The following LRBA variants were observed in gnomAD, a reference collection of about 807,000 sequenced individuals.
LRBA encodes the protein lipopolysaccharide-responsive and beige-like anchor protein.
In LRBA, 176 loss-of-function variants were observed where a neutral mutation model predicts 330.0. That is an observed-to-expected ratio of 0.53 (90% CI 0.47 to 0.60). LRBA has a LOEUF of 0.60. Among genes scored for constraint, LRBA ranks in the 20% least tolerant of loss-of-function variants. The pLI is 0.00. For synonymous variants in LRBA, 1,230 were observed against 1,193.0 expected, an observed-to-expected ratio of 1.03 and a Z score of -0.64; for missense variants, 3,259 against 3,444.8, an observed-to-expected ratio of 0.95 and a Z score of 1.35.
rs559492440 is a variant in LRBA, at chr4:150,920,583, G to C, written c.645+615C>G. On this transcript the variant is annotated intron_variant, in intron 5 of 56. Transcript: ENST00000651943. ...AAAAAAGTTTGTTTTGCTTGTAACA[G>C]ACTGACCAATGTAATAATGAGGAGA... is the stretch of plus-strand genomic sequence containing the variant. Among the ~76,000 whole-genome samples, 17 of 152,164 alleles carry C rather than the reference G, an allele frequency of 1.1e-4. 1 individual carries two copies. In the East Asian group the frequency reaches 3.3e-3, roughly 29 times the overall value.
chr4:150,296,156 C>T (rs1369613965), intron 53 of LRBA, among the ~76,000 whole-genome samples: 3 of 152,160 alleles, frequency 2.0e-5, no homozygotes. Flanking sequence ...CTTTATAATA[C>T]ATCCTCCTTA....
At chr4:150,836,230 G>T (rs545291544) in intron 28 of LRBA, among the ~76,000 whole-genome samples, 1 of 152,072 alleles carries the variant, frequency 6.6e-6, no homozygotes, top group Non-Finnish European at 1.5e-5. Context: ...TTTTTGCATC[G>T]ATGTTCATCA....
chr4:150,376,076 G>GAA (rs1741273939), intron 47 of LRBA, among the ~76,000 whole-genome samples: 1 of 152,154 alleles, frequency 6.6e-6, no homozygotes, highest in Non-Finnish European at 1.5e-5. Flanking sequence ...TAGAGAGAGA[G>GAA]AAGGGCTGCA....
At chr4:150,578,474 G>A (rs993462266) in intron 40 of LRBA, among the ~76,000 whole-genome samples, 1 of 151,576 alleles carries the variant, frequency 6.6e-6, no homozygotes, top group South Asian at 2.1e-4. Context: ...TAAAGGTTTC[G>A]GTGAAATAGG....
intron 2 of LRBA, among the ~76,000 whole-genome samples, chr4:150,963,648 C>A (rs993345977): frequency 2.0e-5 from 3 of 148,848 alleles, no homozygotes; most frequent in African/African-American, 7.8e-5. Context: ...GGCCGCCCAT[C>A]GTCTGGGATG....
In LRBA at chr4:151,014,460, G is replaced by A; in HGVS notation, c.183C>T (p.Ser61=). The A allele has an allele frequency of 1.2e-6, 2 of 1,614,076 alleles. No individual in the cohort carries two copies. The highest frequency in any genetic ancestry group is 1.7e-4 in the Middle Eastern group (1 of 6,060). Residue 61 remains serine, a synonymous_variant, in exon 2 of 57, where the codon TCC becomes TCT. Coordinates refer to ENST00000651943, the MANE Select transcript of LRBA (RefSeq NM_001364905.1). The stretch of plus-strand genomic sequence containing the variant: ...AGACAGTTTCTACAATATCCCTATT[G>A]GATACTTCTCCAACTTCAACCAAAC... ...LTGLVEVGEV[S]NRDIVETVFN... is the part of the protein sequence containing the mutation.
In LRBA at chr4:150,735,268, G is replaced by C. The variant is rs201500267; in HGVS notation, c.5744C>G (p.Ala1915Gly). The change falls in exon 36 of 57, where the codon GCG (alanine) becomes GGG (glycine). Residue 1915 changes from alanine (A) to glycine (G), a missense_variant. By Grantham distance (60) the Ala-to-Gly change is moderately conservative. Coordinates refer to ENST00000651943, the MANE Select transcript of LRBA (RefSeq NM_001364905.1). ...RQRAEDIHRH[A>G]EFESLCAQYS... ...ATATGTGTAACCTACCTCAAATTCC[G>C]CATGTCTGTGAATATCTTCTGCTCT... 1 of 1,611,762 alleles carries C rather than the reference G, an allele frequency of 6.2e-7. No homozygotes were observed. Among genetic ancestry groups the C allele is most frequent in the African/African-American group, 1.3e-5 (1 of 74,806 alleles).
intron 22 of LRBA, among the ~76,000 whole-genome samples, chr4:150,866,775 T>C (rs548317506): frequency 2.2e-4 from 33 of 152,196 alleles, no homozygotes; most frequent in African/African-American, 7.7e-4. Context: ...TGAACAAAAC[T>C]ATATGGGTCA....
intron 37 of LRBA, among the ~76,000 whole-genome samples, chr4:150,633,857 G>A (rs1045523808): frequency 6.6e-6 from 1 of 152,180 alleles, no homozygotes; most frequent in Non-Finnish European, 1.5e-5. Context: ...GCTCACACCT[G>A]TAATCCCAGC....
chr4:150,731,138 A>G (rs1182573007), intron 36 of LRBA, among the ~76,000 whole-genome samples: 2 of 152,244 alleles, frequency 1.3e-5, no homozygotes, highest in Non-Finnish European at 2.9e-5. Flanking sequence ...AAGTCAGGTA[A>G]TAACAAACGC....
intron 17 of LRBA, among the ~76,000 whole-genome samples, chr4:150,890,349 ATC>A (rs1729335763): frequency 6.6e-6 from 1 of 152,228 alleles, no homozygotes; most frequent in African/African-American, 2.4e-5. Context: ...CTAATCTAGG[ATC>A]AGAATTCTCA....
intron 4 of LRBA, among the ~76,000 whole-genome samples, chr4:150,925,876 C>A (rs72963617): frequency 0.031 from 4,643 of 152,206 alleles, 188 homozygotes; most frequent in African/African-American, 0.1. Flanking sequence ...CCTGGACTTA[C>A]CAACCTACCA....
intron 36 of LRBA, among the ~76,000 whole-genome samples, chr4:150,725,877 G>A (rs1431914731): frequency 6.6e-6 from 1 of 152,146 alleles, no homozygotes; most frequent in South Asian, 2.1e-4. Context: ...GTTCCTTTTT[G>A]TGTGTTTGTT....
At chr4:150,970,490 AC>A (rs1247208364) in intron 2 of LRBA, among the ~76,000 whole-genome samples, 1 of 149,926 alleles carries the variant, frequency 6.7e-6, no homozygotes, top group East Asian at 2.0e-4. Flanking sequence ...GCAAAGCAAG[AC>A]CCTGTCTCAA....
intron 40 of LRBA, among the ~76,000 whole-genome samples, chr4:150,538,563 A>G (rs1022181042): frequency 2.0e-5 from 3 of 152,186 alleles, no homozygotes; most frequent in African/African-American, 7.2e-5. Context: ...ACATGTTCTC[A>G]TTCATAAATG....
At chr4:150,949,773 G>A (rs1258327157) in intron 2 of LRBA, among the ~76,000 whole-genome samples, 7 of 149,696 alleles carry the variant, frequency 4.7e-5, no homozygotes, top group Non-Finnish European at 1.0e-4. Context: ...AAACTCGTAA[G>A]TTCAAATTCT....
intron 37 of LRBA, among the ~76,000 whole-genome samples, chr4:150,603,488 G>T (rs963991332): frequency 6.6e-6 from 1 of 151,872 alleles, no homozygotes; most frequent in Non-Finnish European, 1.5e-5. Context: ...GCTTTTTTGT[G>T]GTTGTTGTTG....
At chr4:150,270,365 T>C (rs1745908471) in intron 56 of LRBA, among the ~76,000 whole-genome samples, 2 of 152,224 alleles carry the variant, frequency 1.3e-5, no homozygotes. Context: ...AATATTCATA[T>C]AATATTCTGA....
At position 150,489,497 on chromosome 4, in the gene LRBA, T is replaced by A. The variant is rs1190378160; in HGVS notation, c.6448+1421A>T. Reference sequence around the variant, plus strand: ...TTATATATAAGAATATATAATATATTATATATAAGAATATATAATATATAA... The same window carrying A: ...TTATATATAAGAATATATAATATATAATATATAAGAATATATAATATATAA... On this transcript the variant is annotated intron_variant, in intron 41 of 56. Transcript: ENST00000651943. Among the ~76,000 whole-genome samples, 50 of 39,418 alleles carry A rather than the reference T, an allele frequency of 1.3e-3. 14 individuals are homozygous for A. The highest frequency in any genetic ancestry group is 2.4e-3 in the Non-Finnish European group (36 of 15,062). 25.9% of individuals were successfully genotyped at this position (39,418 alleles called of 152,430 possible). A position where few individuals can be genotyped will look rare whatever the true frequency, so the allele number is the denominator to read the frequency against.
Sources: gnomAD v4.1 joint callset for allele counts (sites outside exome capture counted in the v4.1 genomes callset) on GRCh38, gnomAD v4.1.1 for gene constraint, MANE v1.5 for transcripts, NCBI Gene and HGNC (gene_info 2026-07-23, HGNC 2026-07-21) for gene names.